SYNJ2: variants seen among roughly 807,000 people sequenced by gnomAD.
The protein encoded by SYNJ2 is polyphosphatidylinositol phosphatase SYNJ2.
SYNJ2 carries 116 observed loss-of-function variants against 141.3 expected under a neutral mutation model. That is an observed-to-expected ratio of 0.82 (90% CI 0.71 to 0.96). The LOEUF is 0.96. Ranked by LOEUF, SYNJ2 falls within the 40% of genes least tolerant of loss-of-function variation. The pLI, the probability that SYNJ2 is intolerant of heterozygous loss-of-function variation, is 0.00. For synonymous variants in SYNJ2, 745 were observed against 777.7 expected, an observed-to-expected ratio of 0.96 and a Z score of 0.70; for missense variants, 1,873 against 1,934.8, an observed-to-expected ratio of 0.97 and a Z score of 0.60.
chr6:158,068,809 C>T (rs528946799), intron 13 of SYNJ2, 81 bp downstream of exon 13: 16 of 1,485,258 alleles, frequency 1.1e-5, no homozygotes, highest in Admixed American at 3.4e-5. Context: ...TGAGGCTCTC[C>T]GGGAGCCAGC....
intron 1 of SYNJ2, among the ~76,000 whole-genome samples, chr6:157,989,967 G>A (rs987585955): frequency 1.3e-5 from 2 of 152,364 alleles, no homozygotes; most frequent in East Asian, 1.9e-4. Context: ...GCCCTGGGGG[G>A]CACTGGGCAG....
chr6:158,018,764 G>A (rs529769768), intron 2 of SYNJ2, among the ~76,000 whole-genome samples: 3 of 152,194 alleles, frequency 2.0e-5, no homozygotes. Flanking sequence ...TTACAGTAAC[G>A]GGAACAGGCT....
At chr6:157,990,383 G>T (rs1254973604) in intron 1 of SYNJ2, among the ~76,000 whole-genome samples, 9 of 152,212 alleles carry the variant, frequency 5.9e-5, no homozygotes, top group African/African-American at 2.2e-4. Context: ...CTCAGATGGA[G>T]TTGTATGTTT....
At chr6:158,038,896 A>G (rs1330984319) in intron 4 of SYNJ2, among the ~76,000 whole-genome samples, 1 of 152,260 alleles carries the variant, frequency 6.6e-6, no homozygotes, top group Non-Finnish European at 1.5e-5. Flanking sequence ...AAGGAGGGGC[A>G]TGGAGCAGAA....
chr6:158,095,129 A>T (rs1467859966), intron 26 of SYNJ2, among the ~76,000 whole-genome samples: 2 of 151,708 alleles, frequency 1.3e-5, no homozygotes, highest in Non-Finnish European at 1.5e-5. Flanking sequence ...AGCCTGGGGG[A>T]CAGGGCGAGA....
rs147831340 is a variant in SYNJ2 at position 158,029,732 on chromosome 6, C to T, written c.485+706C>T. On this transcript the variant is annotated intron_variant, in intron 3 of 26. Transcript: ENST00000355585. Reference sequence around the variant, plus strand: ...TTACCTCCAGTGTGCAGCCGTTTACCGCTGATGTTTATAAAGCACTGTGTT... The same window carrying T: ...TTACCTCCAGTGTGCAGCCGTTTACTGCTGATGTTTATAAAGCACTGTGTT... Among the ~76,000 whole-genome samples the T allele has an allele frequency of 4.1e-3, 619 of 152,196 alleles. 1 individual carries two copies. The highest frequency in any genetic ancestry group is 0.014 in the African/African-American group (578 of 41,522).
At chr6:158,028,529 A>T (rs1365338569) in intron 2 of SYNJ2, 2 of 584,384 alleles carry the variant, frequency 3.4e-6, no homozygotes, top group East Asian at 2.9e-5. Context: ...CTCCCAGGGG[A>T]TGCTGACTTG....
chr6:158,092,974 C>G lies in SYNJ2; in HGVS notation c.3614C>G (p.Ala1205Gly). ...LSAVAPRDLEASSEPEPTPGA... is the reference protein window; with the variant it reads ...LSAVAPRDLEGSSEPEPTPGA... The stretch of plus-strand genomic sequence containing the variant: ...GCCGTGGCCCCAAGGGACCTTGAAG[C>G]ATCCTCTGAACCAGAGCCCACACCG... The change falls in exon 26 of 27, where the codon GCA becomes GGA. Residue 1205 changes from alanine to glycine, a missense_variant. Coordinates refer to ENST00000355585, the MANE Select transcript of SYNJ2 (RefSeq NM_003898.4). The G allele has an allele frequency of 6.2e-7, 1 of 1,611,180 alleles. No individual in the cohort carries two copies. Among genetic ancestry groups the G allele is most frequent in the Non-Finnish European group, 8.5e-7 (1 of 1,179,304 alleles).
intron 1 of SYNJ2, among the ~76,000 whole-genome samples, chr6:157,994,452 C>A (rs1021832805): frequency 6.6e-6 from 1 of 152,218 alleles, no homozygotes; most frequent in Admixed American, 6.5e-5. Flanking sequence ...AGAAAGGAAT[C>A]TTTGAAAACT....
intron 5 of SYNJ2, among the ~76,000 whole-genome samples, chr6:158,051,434 T>G (rs1391741145): frequency 2.0e-5 from 3 of 151,858 alleles, no homozygotes; most frequent in African/African-American, 7.3e-5. Flanking sequence ...TTTCAAATTT[T>G]CTGAGATTTC....
rs530593164 is a variant in SYNJ2, at chr6:158,065,067, T to A, written c.1525+76T>A. ...CCCCACTTTCCCACCGCCTCTGTGC[T>A]ATCCAGAGAGCGGGTGGCAGAGGTG... On this transcript the variant is annotated intron_variant, in intron 11 of 26. Coordinates refer to ENST00000355585, the MANE Select transcript of SYNJ2 (RefSeq NM_003898.4). The A allele has an allele frequency of 4.1e-6, 6 of 1,446,842 alleles. No individual in the cohort carries two copies. In the South Asian group the frequency reaches 8.7e-5, roughly 21 times the overall value. The allele number at this position is 1,446,842 out of a possible 1,614,324, so 89.6% of individuals were successfully genotyped here.
At chr6:158,022,492 C>G (rs1778831365) in intron 2 of SYNJ2, among the ~76,000 whole-genome samples, 1 of 152,206 alleles carries the variant, frequency 6.6e-6, no homozygotes, top group Admixed American at 6.5e-5. Flanking sequence ...TCTGGCAGCT[C>G]CCTCTGACCC....
chr6:158,039,157 G>A (rs948627035), intron 4 of SYNJ2, among the ~76,000 whole-genome samples: 5 of 152,248 alleles, frequency 3.3e-5, no homozygotes, highest in Non-Finnish European at 5.9e-5. Flanking sequence ...TCTGTCTCTG[G>A]AGTCACTGAA....
chr6:158,008,627 A>G (rs548129876), intron 1 of SYNJ2, among the ~76,000 whole-genome samples: 38 of 152,338 alleles, frequency 2.5e-4, no homozygotes, highest in African/African-American at 8.2e-4. Context: ...TAATGAAGGT[A>G]CAAGGGTTTA....
At chr6:157,992,704 G>A (rs1423859103) in intron 1 of SYNJ2, among the ~76,000 whole-genome samples, 6 of 151,502 alleles carry the variant, frequency 4.0e-5, no homozygotes, top group East Asian at 3.9e-4. Context: ...AACTGCACTC[G>A]GCTGGCTGGC....
At chr6:158,019,385 A>G (rs1452937455) in intron 2 of SYNJ2, among the ~76,000 whole-genome samples, 2 of 152,224 alleles carry the variant, frequency 1.3e-5, no homozygotes, top group Non-Finnish European at 2.9e-5. Flanking sequence ...GAAGTGCAGT[A>G]CCTTCCCCCA....
intron 1 of SYNJ2, among the ~76,000 whole-genome samples, chr6:158,013,511 A>T (rs1359676542): frequency 6.6e-6 from 1 of 152,228 alleles, no homozygotes; most frequent in Non-Finnish European, 1.5e-5. Context: ...AGATTAATTC[A>T]CATTAAGGCT....
At chr6:158,003,943 G>A (rs548015601) in intron 1 of SYNJ2, among the ~76,000 whole-genome samples, 1 of 152,228 alleles carries the variant, frequency 6.6e-6, no homozygotes, top group East Asian at 1.9e-4. Context: ...GAGACGGGGA[G>A]TTCCCCAGCC....
chr6:158,071,610 C>A lies in SYNJ2; in HGVS notation c.1949C>A (p.Ala650Asp), dbSNP rs1345418126. The change falls in exon 15 of 27, where the codon GCC becomes GAC. Residue 650 changes from alanine (A) to aspartate (D), a missense_variant. By Grantham distance (126) the Ala-to-Asp change is moderately radical. Coordinates refer to ENST00000355585, the MANE Select transcript of SYNJ2 (RefSeq NM_003898.4). This position sits in a 1 kb window ranked among gnomAD's most constrained non-coding sequence, Gnocchi z 4.3. ...PYHVPFIRDV[A>D]IDTVKTGMGG... is the part of the protein sequence containing the mutation. ...GTATCCTTCTGTTCCAGGGACGTAG[C>A]CATCGACACAGTGAAGACGGGCATG... The A allele has an allele frequency of 6.2e-7, 1 of 1,613,776 alleles. No individual in the cohort carries two copies. Among genetic ancestry groups the A allele is most frequent in the Non-Finnish European group, 8.5e-7 (1 of 1,179,914 alleles).
Sources: gnomAD v4.1 joint callset for allele counts (sites outside exome capture counted in the v4.1 genomes callset) on GRCh38, gnomAD v4.1.1 for gene constraint, Gnocchi (gnomAD v3.1) non-coding constraint, MANE v1.5 for transcripts, NCBI Gene and HGNC (gene_info 2026-07-23, HGNC 2026-07-21) for gene names.